NUMB: variants seen among roughly 807,000 people sequenced by gnomAD.
NUMB encodes the protein protein numb homolog.
Under a neutral mutation model 59.7 loss-of-function variants are expected in NUMB, and 29 were observed. The ratio of observed to expected loss-of-function variants is 0.49; its 90% CI spans 0.36 to 0.66. NUMB has a LOEUF of 0.66. Ranked by LOEUF, NUMB falls within the 30% of genes least tolerant of loss-of-function variation. NUMB has a pLI of 0.00. For missense variants in NUMB, 723 were observed against 822.0 expected (o/e 0.88, Z 1.47); for synonymous variants, 288 against 288.2 (o/e 1.00, Z 0.01).
intron 1 of NUMB, among the ~76,000 whole-genome samples, chr14:73,451,980 A>G (rs1375896382): frequency 6.6e-6 from 1 of 152,164 alleles, no homozygotes; most frequent in Non-Finnish European, 1.5e-5. Flanking sequence ...AGATAGCCTG[A>G]GCACGGTAGC....
At chr14:73,326,947 T>C (rs558723699) in intron 4 of NUMB, among the ~76,000 whole-genome samples, 2 of 152,308 alleles carry the variant, frequency 1.3e-5, no homozygotes, top group Non-Finnish European at 2.9e-5. Flanking sequence ...CAGGGAAGAA[T>C]ATGGTTTACA....
At chr14:73,367,330 CATATATAT>C (rs369452106) in intron 2 of NUMB, among the ~76,000 whole-genome samples, 2 of 116,106 alleles carry the variant, frequency 1.7e-5, no homozygotes, top group Admixed American at 9.2e-5. Flanking sequence ...CACATATATA[CATATATAT>C]ATATATATAT....
chr14:73,281,886 T>A (rs1888656316), intron 11 of NUMB, among the ~76,000 whole-genome samples: 1 of 152,198 alleles, frequency 6.6e-6, no homozygotes, highest in South Asian at 2.1e-4. Flanking sequence ...TTAGTGGCAT[T>A]CTTGGCATCT....
intron 1 of NUMB, chr14:73,457,733 G>C (rs1884495293): frequency 6.6e-6 from 1 of 152,484 alleles, no homozygotes; most frequent in Non-Finnish European, 1.5e-5. Context: ...TCCCAGCTCA[G>C]CTATGGGGGC....
chr14:73,352,477 C>T (rs11846605), intron 4 of NUMB, among the ~76,000 whole-genome samples: 440 of 12,546 alleles, frequency 0.035, 5 homozygotes, highest in Middle Eastern at 0.17. Context: ...CACACACACA[C>T]ATATATATAT....
At position 73,378,020 on chromosome 14, in the gene NUMB, TACACACAC is replaced by T. The variant is rs760071335; in HGVS notation, c.-100-11047_-100-11040del. Among the ~76,000 whole-genome samples, 4 of 134,094 alleles carry T rather than the reference TACACACAC, an allele frequency of 3.0e-5. No individual in the cohort carries two copies. The East Asian group carries it at 8.8e-4, about 29-fold the overall frequency. 88.0% of individuals were successfully genotyped at this position (134,094 alleles called of 152,430 possible). Reference sequence around the variant, plus strand: ...ACACACACACACACACACACACACATACACACACACACACACATACCAAAAAACTTAAA... The same window carrying T: ...ACACACACACACACACACACACACATACACACACATACCAAAAAACTTAAA... On this transcript the variant is annotated intron_variant, in intron 2 of 12. Transcript: ENST00000555238.
intron 2 of NUMB, among the ~76,000 whole-genome samples, chr14:73,386,326 G>A (rs1029497913): frequency 2.0e-5 from 3 of 152,096 alleles, no homozygotes; most frequent in Non-Finnish European, 4.4e-5. Context: ...TAGATTGCAG[G>A]TAATTAAATA....
intron 4 of NUMB, among the ~76,000 whole-genome samples, chr14:73,355,387 T>G (rs1566758337): frequency 6.6e-6 from 1 of 152,130 alleles, no homozygotes; most frequent in Non-Finnish European, 1.5e-5. Flanking sequence ...TTGTACTGAC[T>G]CCACATTATA....
At chr14:73,372,164 T>A (rs1393542705) in intron 2 of NUMB, among the ~76,000 whole-genome samples, 1 of 150,724 alleles carries the variant, frequency 6.6e-6, no homozygotes, top group African/African-American at 2.4e-5. Context: ...ACTTGGGAGG[T>A]GGAGGGTGCA....
At chr14:73,335,302 C>CAAAAAAAAAAAAAAAAAA (rs10556271) in intron 4 of NUMB, among the ~76,000 whole-genome samples, 1 of 100,238 alleles carries the variant, frequency 1.0e-5, no homozygotes, top group Non-Finnish European at 2.0e-5. Flanking sequence ...GCCAAAAAGA[C>CAAAAAAAAAAAAAAAAAA]AAAAAAAAAA....
rs995244457 is a variant in NUMB at position 73,276,372 on chromosome 14, T to C, written c.*206A>G. 1 of 537,502 alleles carries C rather than the reference T, an allele frequency of 1.9e-6. No homozygotes were observed. The highest frequency in any genetic ancestry group is 3.3e-5 in the Admixed American group (1 of 30,332). The allele number at this position is 537,502 out of a possible 1,614,324, so 33.3% of individuals were successfully genotyped here. A position where few individuals can be genotyped will look rare whatever the true frequency, so the allele number is the denominator to read the frequency against. On this transcript the variant is annotated 3_prime_UTR_variant, in exon 13 of 13. Coordinates refer to ENST00000555238, the MANE Select transcript of NUMB (RefSeq NM_001005743.2). Reference sequence around the variant, plus strand: ...CATTTCCTTGACTTCTTTAGCCTAATTGCAAGGCAGCTTTTCTCTAGGAAT... The same window carrying C: ...CATTTCCTTGACTTCTTTAGCCTAACTGCAAGGCAGCTTTTCTCTAGGAAT...
chr14:73,404,352 G>A (rs1896559902), intron 2 of NUMB, among the ~76,000 whole-genome samples: 1 of 151,842 alleles, frequency 6.6e-6, no homozygotes, highest in Non-Finnish European at 1.5e-5. Flanking sequence ...CATAGTTAAG[G>A]TATGATCAGG....
At chr14:73,369,441 C>A (rs1894556446) in intron 2 of NUMB, among the ~76,000 whole-genome samples, 2 of 152,032 alleles carry the variant, frequency 1.3e-5, no homozygotes, top group Non-Finnish European at 2.9e-5. Context: ...AGAAATTTGG[C>A]AAATTAAAAA....
chr14:73,440,614 G>C (rs1272287411), intron 1 of NUMB, among the ~76,000 whole-genome samples: 1 of 151,844 alleles, frequency 6.6e-6, no homozygotes, highest in African/African-American at 2.4e-5. Flanking sequence ...GGGAGGCTGA[G>C]GCGGGCGGAT....
chr14:73,417,757 A>G (rs1283317286), intron 1 of NUMB, among the ~76,000 whole-genome samples: 2 of 152,212 alleles, frequency 1.3e-5, no homozygotes, highest in Non-Finnish European at 2.9e-5. Flanking sequence ...CATCATTCAC[A>G]GTAGCCAAAA....
At chr14:73,388,556 G>A (rs138487438) in intron 2 of NUMB, among the ~76,000 whole-genome samples, 1 of 151,256 alleles carries the variant, frequency 6.6e-6, no homozygotes, top group Non-Finnish European at 1.5e-5. Flanking sequence ...AAAAATCAAC[G>A]TTGTTTCTTT....
chr14:73,344,307 G>A (rs1210371624), intron 4 of NUMB, among the ~76,000 whole-genome samples: 1 of 152,188 alleles, frequency 6.6e-6, no homozygotes. Flanking sequence ...GTCAGCCACT[G>A]GATCAGAACT....
intron 4 of NUMB, among the ~76,000 whole-genome samples, chr14:73,352,612 T>C (rs1192855071): frequency 2.1e-5 from 3 of 140,774 alleles, no homozygotes; most frequent in African/African-American, 7.8e-5. Flanking sequence ...TCGGCTCACT[T>C]CAAGCTTCGC....
chr14:73,372,305 TTATATATATATATATATATA>T (rs3028704), intron 2 of NUMB, among the ~76,000 whole-genome samples: 7 of 85,998 alleles, frequency 8.1e-5, no homozygotes, highest in Non-Finnish European at 1.5e-4. Context: ...TATATTTCTT[TTATATATATATATATATATA>T]TATATATATA....
Sources: gnomAD v4.1 joint callset for allele counts (sites outside exome capture counted in the v4.1 genomes callset) on GRCh38, gnomAD v4.1.1 for gene constraint, MANE v1.5 for transcripts, NCBI Gene and HGNC (gene_info 2026-07-23, HGNC 2026-07-21) for gene names.